SPRED1: variants seen among roughly 807,000 people sequenced by gnomAD.
The protein encoded by SPRED1 is sprouty related EVH1 domain containing 1.
Under a neutral mutation model 52.3 loss-of-function variants are expected in SPRED1, and 18 were observed. The ratio of observed to expected loss-of-function variants is 0.34; its 90% CI spans 0.24 to 0.51. The LOEUF (loss-of-function observed/expected upper bound fraction) is 0.51, where lower values mean the gene tolerates loss of function less well. Among genes scored for constraint, SPRED1 ranks in the 20% least tolerant of loss-of-function variants. The pLI, the probability that SPRED1 is intolerant of heterozygous loss-of-function variation, is 0.97. For missense variants in SPRED1, 485 were observed against 551.0 expected, an observed-to-expected ratio of 0.88 and a Z score of 1.20; for synonymous variants, 155 against 179.7, an observed-to-expected ratio of 0.86 and a Z score of 1.10.
Position 38,336,435 on chromosome 15 carries a change from TA to T in SPRED1, c.424-3300del, listed in dbSNP as rs1434659628. ...GTGTATGTGTGTGTATATATATATA[TA>T]ATATTATATATATGTTATATATATA... On this transcript the variant is annotated intron_variant, in intron 4 of 6. Coordinates refer to ENST00000299084, the MANE Select transcript of SPRED1 (RefSeq NM_152594.3). Among the ~76,000 whole-genome samples the T allele has an allele frequency of 3.1e-4, 12 of 39,306 alleles. 1 individual carries two copies. The highest frequency in any genetic ancestry group is 5.9e-4 in the African/African-American group (11 of 18,678). 25.8% of individuals were successfully genotyped at this position (39,306 alleles called of 152,430 possible).
At chr15:38,332,075 T>C (rs959952036) in intron 4 of SPRED1, among the ~76,000 whole-genome samples, 1 of 152,010 alleles carries the variant, frequency 6.6e-6, no homozygotes, top group African/African-American at 2.4e-5. Context: ...CCATGGAATG[T>C]TAAGGAGTGA....
intron 1 of SPRED1, among the ~76,000 whole-genome samples, chr15:38,296,247 A>C (rs907626534): frequency 6.6e-6 from 1 of 152,190 alleles, no homozygotes; most frequent in Non-Finnish European, 1.5e-5. Flanking sequence ...CTAAAAAAGC[A>C]GGTCACTTTA....
intron 4 of SPRED1, 81 bp downstream of exon 4, chr15:38,324,890 T>C (rs1895682022): frequency 8.9e-7 from 1 of 1,128,520 alleles, no homozygotes; most frequent in African/African-American, 1.5e-5. Context: ...ACTTATCAAT[T>C]ACTAAGAATA....
chr15:38,280,129 G>A (rs559381091), intron 1 of SPRED1, among the ~76,000 whole-genome samples: 116 of 152,118 alleles, frequency 7.6e-4, no homozygotes, highest in Non-Finnish European at 8.8e-4. Context: ...TCTTTAAAGG[G>A]AAATGATTTG....
intron 1 of SPRED1, among the ~76,000 whole-genome samples, chr15:38,273,181 C>T (rs1321660761): frequency 6.6e-6 from 1 of 151,968 alleles, no homozygotes; most frequent in Non-Finnish European, 1.5e-5. Context: ...ATCTTTAATC[C>T]ATCTTGAGTT....
intron 2 of SPRED1, among the ~76,000 whole-genome samples, chr15:38,313,599 A>C (rs1182198259): frequency 6.6e-6 from 1 of 151,486 alleles, no homozygotes; most frequent in East Asian, 1.9e-4. Context: ...ACAGGAATTC[A>C]TATTATCCGT....
intron 1 of SPRED1, among the ~76,000 whole-genome samples, chr15:38,292,511 TG>T (rs1255080094): frequency 6.6e-6 from 1 of 152,140 alleles, no homozygotes; most frequent in Non-Finnish European, 1.5e-5. Flanking sequence ...TCCACAGGGC[TG>T]GGGAGGCCTC....
At chr15:38,312,575 T>C (rs554228217) in intron 2 of SPRED1, among the ~76,000 whole-genome samples, 11 of 152,246 alleles carry the variant, frequency 7.2e-5, no homozygotes, top group Admixed American at 4.6e-4. Flanking sequence ...GTCCTTGATA[T>C]ATTTCCAAGA....
chr15:38,267,431 A>G (rs1894332542), intron 1 of SPRED1, among the ~76,000 whole-genome samples: 1 of 152,200 alleles, frequency 6.6e-6, no homozygotes, highest in African/African-American at 2.4e-5. Context: ...TAAGTGTGTC[A>G]AAGAGTACAA....
intron 5 of SPRED1, among the ~76,000 whole-genome samples, chr15:38,346,076 A>G (rs1448867472): frequency 3.3e-5 from 5 of 152,136 alleles, no homozygotes; most frequent in Non-Finnish European, 1.5e-5. Context: ...GGTTGCTCAC[A>G]CTTGCAGTCC....
Position 38,353,228 on chromosome 15 carries a change from G to T in SPRED1, c.*1564G>T, listed in dbSNP as rs995772594. 1 of 152,342 alleles carries T rather than the reference G, an allele frequency of 6.6e-6. No individual in the cohort carries two copies. The highest frequency in any genetic ancestry group is 1.5e-5 in the Non-Finnish European group (1 of 67,894). 9.4% of individuals were successfully genotyped at this position (152,342 alleles called of 1,614,324 possible). The stretch of plus-strand genomic sequence containing the variant: ...TCATTTTCTATGCAGGTTTTTAAAC[G>T]TCATTTATGTATCATTCTTTTTATA... On this transcript the variant is annotated 3_prime_UTR_variant, in exon 7 of 7. Coordinates refer to ENST00000299084, the MANE Select transcript of SPRED1 (RefSeq NM_152594.3).
intron 1 of SPRED1, 165 bp from the exon 2 acceptor site, chr15:38,299,208 G>C: frequency 5.1e-6 from 4 of 788,736 alleles, no homozygotes; most frequent in Non-Finnish European, 4.3e-6. Context: ...TTTGGTTTTT[G>C]ACCTCTTTCA....
chr15:38,264,912 A>T (rs1894276814), intron 1 of SPRED1, among the ~76,000 whole-genome samples: 1 of 152,144 alleles, frequency 6.6e-6, no homozygotes. Flanking sequence ...GGGAAGAGAG[A>T]CATGTAAATA....
At chr15:38,324,735 CTTAA>C (rs758934848) in intron 3 of SPRED1, 24 bp from the exon 4 acceptor site, 1 of 1,566,216 alleles carries the variant, frequency 6.4e-7, no homozygotes. Flanking sequence ...AAATTCTATA[CTTAA>C]TTAACTTTTA....
chr15:38,341,539 C>G (rs1896029988), intron 5 of SPRED1, among the ~76,000 whole-genome samples: 1 of 151,652 alleles, frequency 6.6e-6, no homozygotes, highest in Non-Finnish European at 1.5e-5. Flanking sequence ...TTAGACATAC[C>G]AGAGGTAGAA....
rs1233991140 is a variant in SPRED1 at position 38,355,171 on chromosome 15, G to C, written c.*3507G>C. The C allele has an allele frequency of 6.6e-6, 1 of 152,272 alleles. No homozygotes were observed. Among genetic ancestry groups the C allele is most frequent in the Non-Finnish European group, 1.5e-5 (1 of 68,150 alleles). 9.4% of individuals were successfully genotyped at this position (152,272 alleles called of 1,614,324 possible). ...GGGTTTCACCATGTTGGCCAGGCTG[G>C]TCTTGAACTCCTGACCTTAGGTGAT... On this transcript the variant is annotated 3_prime_UTR_variant, in exon 7 of 7. Coordinates refer to ENST00000299084, the MANE Select transcript of SPRED1 (RefSeq NM_152594.3).
intron 1 of SPRED1, among the ~76,000 whole-genome samples, chr15:38,274,725 C>G (rs533637007): frequency 6.6e-6 from 1 of 152,246 alleles, no homozygotes; most frequent in South Asian, 2.1e-4. Context: ...TGTCATGTCT[C>G]TTTAGTCTCC....
At chr15:38,274,911 CCATTACTGGTAAATTTT>C (rs1894515522) in intron 1 of SPRED1, among the ~76,000 whole-genome samples, 1 of 152,120 alleles carries the variant, frequency 6.6e-6, no homozygotes, top group Non-Finnish European at 1.5e-5. Flanking sequence ...TTGATATATC[CCATTACTGGTAAATTTT>C]CATCATTTGG....
intron 1 of SPRED1, among the ~76,000 whole-genome samples, chr15:38,272,404 G>A (rs745327313): frequency 6.6e-6 from 1 of 151,786 alleles, no homozygotes; most frequent in East Asian, 1.9e-4. Flanking sequence ...AAGTAGTTGG[G>A]ATTACAGGCA....
Sources: gnomAD v4.1 joint callset for allele counts (sites outside exome capture counted in the v4.1 genomes callset) on GRCh38, gnomAD v4.1.1 for gene constraint, MANE v1.5 for transcripts, NCBI Gene and HGNC (gene_info 2026-07-23, HGNC 2026-07-21) for gene names.